The following KCNQ1 variants were observed in gnomAD, a reference collection of about 807,000 sequenced individuals.
KCNQ1 encodes the protein potassium voltage-gated channel subfamily KQT member 1.
A neutral mutation model predicts 72.4 loss-of-function variants in KCNQ1; 49 were observed. The ratio of observed to expected loss-of-function variants is 0.68; its 90% CI spans 0.54 to 0.86. KCNQ1 has a LOEUF of 0.86. Among genes scored for constraint, KCNQ1 ranks in the 40% least tolerant of loss-of-function variants. The pLI is 0.00. For missense variants in KCNQ1, 790 were observed against 945.1 expected (o/e 0.84, Z 2.15); for synonymous variants, 450 against 412.6 (o/e 1.09, Z -1.10).
chr11:2,848,801 C>T lies in KCNQ1; in HGVS notation c.*798C>T, dbSNP rs1384809970. ...AGCCAAACACACAGAAGGGGACTGCCACCTCCCCTTGCCAGCTGCTGAGCC... is the reference window on the plus strand; with the variant it reads ...AGCCAAACACACAGAAGGGGACTGCTACCTCCCCTTGCCAGCTGCTGAGCC... On this transcript the variant is annotated 3_prime_UTR_variant, in exon 16 of 16. Transcript: ENST00000155840. 2 of 454,046 alleles carry T rather than the reference C, an allele frequency of 4.4e-6. No individual in the cohort carries two copies. The highest frequency in any genetic ancestry group is 4.0e-5 in the African/African-American group (2 of 50,010). 28.1% of individuals were successfully genotyped at this position (454,046 alleles called of 1,614,324 possible).
At chr11:2,733,838 T>TCTCC (rs1845902445) in intron 11 of KCNQ1, among the ~76,000 whole-genome samples, 1 of 35,360 alleles carries the variant, frequency 2.8e-5, no homozygotes, top group Non-Finnish European at 5.7e-5. Context: ...TCTCTCTCTC[T>TCTCC]CTCTCTCTCT....
chr11:2,736,743 G>A (rs1271840410), intron 11 of KCNQ1, among the ~76,000 whole-genome samples: 1 of 152,244 alleles, frequency 6.6e-6, no homozygotes, highest in African/African-American at 2.4e-5. Flanking sequence ...CTGCGCATCT[G>A]CAGCTGGTAT....
rs577341950 is a variant in KCNQ1 at position 2,592,644 on chromosome 11, G to A, written c.1393+3790G>A. On this transcript the variant is annotated intron_variant, in intron 10 of 15. Coordinates refer to ENST00000155840, the MANE Select transcript of KCNQ1 (RefSeq NM_000218.3). This position sits in a 1 kb window ranked among gnomAD's most constrained non-coding sequence, Gnocchi z 5.2. ...AGGATGCATGGGGACCCAACCGCAT[G>A]CCACTTGGCTTGGCAGTGTCAAAGG... 6.6e-6 allele frequency among the ~76,000 whole-genome samples: 1 copy of A among 152,350 alleles called. No individual in the cohort carries two copies. Among genetic ancestry groups the A allele is most frequent in the African/African-American group, 2.4e-5 (1 of 41,590 alleles).
rs2133777117 is a variant in KCNQ1 at position 2,601,524 on chromosome 11, C to T, written c.1393+12670C>T. Among the ~76,000 whole-genome samples, 1 of 152,258 alleles carries T rather than the reference C, an allele frequency of 6.6e-6. No homozygotes were observed. Among genetic ancestry groups the T allele is most frequent in the South Asian group, 2.1e-4 (1 of 4,816 alleles). On this transcript the variant is annotated intron_variant, in intron 10 of 15. Coordinates refer to ENST00000155840, the MANE Select transcript of KCNQ1 (RefSeq NM_000218.3). The surrounding 1 kb of genome is among the most constrained non-coding windows in gnomAD (Gnocchi z 5.2). The stretch of plus-strand genomic sequence containing the variant: ...AGCAAGAGTCCAGATGCAGAGTGCT[C>T]CCGTCGCCACGGGGTTCCCATTATT...
Position 2,720,602 on chromosome 11 carries a change from C to T in KCNQ1, c.1515-48242C>T, listed in dbSNP as rs1291535608. On this transcript the variant is annotated intron_variant, in intron 11 of 15. Coordinates refer to ENST00000155840, the MANE Select transcript of KCNQ1 (RefSeq NM_000218.3). The surrounding 1 kb of genome is among the most constrained non-coding windows in gnomAD (Gnocchi z 5.1). ...TCCTGTGGGTCCTTCTCTGAGTGTC[C>T]TATGTTGGGGGTGTCAGCCTGGGTG... Among the ~76,000 whole-genome samples, 1 of 152,132 alleles carries T rather than the reference C, an allele frequency of 6.6e-6. No homozygotes were observed. Among genetic ancestry groups the T allele is most frequent in the Non-Finnish European group, 1.5e-5 (1 of 68,012 alleles).
In KCNQ1 at chr11:2,623,768, C is replaced by T; in HGVS notation, c.1393+34914C>T. ...TTTTTATGTGAATATAAGTCTTCAC[C>T]TCCTTTGAGTAAATACCAAGGATGT... On this transcript the variant is annotated intron_variant, in intron 10 of 15. Coordinates refer to ENST00000155840, the MANE Select transcript of KCNQ1 (RefSeq NM_000218.3). The surrounding 1 kb of genome is among the most constrained non-coding windows in gnomAD (Gnocchi z 5.2). 2.5e-6 allele frequency: 1 copy of T among 398,468 alleles called. No individual in the cohort carries two copies. Among genetic ancestry groups the T allele is most frequent in the Non-Finnish European group, 4.4e-6 (1 of 226,024 alleles). 24.7% of individuals were successfully genotyped at this position (398,468 alleles called of 1,614,324 possible).
At position 2,724,360 on chromosome 11, in the gene KCNQ1, G is replaced by T. The variant is rs939079306; in HGVS notation, c.1515-44484G>T. 6.6e-6 allele frequency among the ~76,000 whole-genome samples: 1 copy of T among 152,166 alleles called. No individual in the cohort carries two copies. The highest frequency in any genetic ancestry group is 1.5e-5 in the Non-Finnish European group (1 of 68,030). On this transcript the variant is annotated intron_variant, in intron 11 of 15. Coordinates refer to ENST00000155840, the MANE Select transcript of KCNQ1 (RefSeq NM_000218.3). This position sits in a 1 kb window ranked among gnomAD's most constrained non-coding sequence, Gnocchi z 6.8. ...GTGACAGCGTCCTCCCGCCCGGATTGGGTTTCTGCACAGTGGAATGGAGCT... is the reference window on the plus strand; with the variant it reads ...GTGACAGCGTCCTCCCGCCCGGATTTGGTTTCTGCACAGTGGAATGGAGCT...
At chr11:2,589,557 T>C (rs1429480749) in intron 10 of KCNQ1, among the ~76,000 whole-genome samples, 3 of 152,124 alleles carry the variant, frequency 2.0e-5, no homozygotes, top group Non-Finnish European at 4.4e-5. Context: ...GAGGCTGGGC[T>C]CGTGTGCTCC....
chr11:2,740,485 G>A (rs1416221247), intron 11 of KCNQ1, among the ~76,000 whole-genome samples: 3 of 152,212 alleles, frequency 2.0e-5, no homozygotes, highest in South Asian at 2.1e-4. Flanking sequence ...AGAGGACAGC[G>A]CACGCGGGCT....
Position 2,550,158 on chromosome 11 carries a change from G to C in KCNQ1, c.478-20470G>C, listed in dbSNP as rs1277734222. Among the ~76,000 whole-genome samples the C allele has an allele frequency of 6.6e-6, 1 of 152,224 alleles. No individual in the cohort carries two copies. Among genetic ancestry groups the C allele is most frequent in the African/African-American group, 2.4e-5 (1 of 41,464 alleles). ...ACCAGAGCTGCCGAGCCCCGGCCTG[G>C]ATGGACATCCCGCAGGCAGTGCACG... On this transcript the variant is annotated intron_variant, in intron 2 of 15. Transcript: ENST00000155840. The surrounding 1 kb of genome is among the most constrained non-coding windows in gnomAD (Gnocchi z 6.0).
At chr11:2,452,315 C>T (rs979424966) in intron 1 of KCNQ1, among the ~76,000 whole-genome samples, 30 of 152,158 alleles carry the variant, frequency 2.0e-4, no homozygotes, top group African/African-American at 7.2e-4. Context: ...GGACCCCCAC[C>T]CCTGTACTCC....
chr11:2,760,228 C>T (rs1846368426), intron 11 of KCNQ1, among the ~76,000 whole-genome samples: 1 of 152,218 alleles, frequency 6.6e-6, no homozygotes, highest in Admixed American at 6.5e-5. Flanking sequence ...CCTGAGACCA[C>T]TCAGCCTGGG....
In KCNQ1 at chr11:2,734,196, C is replaced by T. The variant is rs975762851; in HGVS notation, c.1515-34648C>T. Among the ~76,000 whole-genome samples the T allele has an allele frequency of 3.3e-5, 5 of 152,168 alleles. No homozygotes were observed. Among genetic ancestry groups the T allele is most frequent in the Non-Finnish European group, 5.9e-5 (4 of 68,030 alleles). ...GCATGGTGGACGTCCAAAGAATAAA[C>T]GAATGAACCATCCAAAGCACAGGCC... On this transcript the variant is annotated intron_variant, in intron 11 of 15. Coordinates refer to ENST00000155840, the MANE Select transcript of KCNQ1 (RefSeq NM_000218.3). This position sits in a 1 kb window ranked among gnomAD's most constrained non-coding sequence, Gnocchi z 7.0.
At chr11:2,521,620 T>C (rs1242227665) in intron 1 of KCNQ1, 3 of 449,332 alleles carry the variant, frequency 6.7e-6, no homozygotes. Flanking sequence ...AGGGCACCCC[T>C]TGAGCTGCCC....
Position 2,715,581 on chromosome 11 carries a change from C to A in KCNQ1, c.1515-53263C>A, listed in dbSNP as rs1335999202. ...TGCCCAAGCCTTCCTCTTCCACCAC[C>A]CCTGCTGGGGTCCCCTGGGACCCAT... On this transcript the variant is annotated intron_variant, in intron 11 of 15. Coordinates refer to ENST00000155840, the MANE Select transcript of KCNQ1 (RefSeq NM_000218.3). The surrounding 1 kb of genome is among the most constrained non-coding windows in gnomAD (Gnocchi z 4.9). Among the ~76,000 whole-genome samples, 2 of 152,158 alleles carry A rather than the reference C, an allele frequency of 1.3e-5. No homozygotes were observed. Among genetic ancestry groups the A allele is most frequent in the African/African-American group, 4.8e-5 (2 of 41,442 alleles).
In KCNQ1 at chr11:2,787,376, A is replaced by C. The variant is rs923606339; in HGVS notation, c.1794+9339A>C. ...CCTGGGCTTTGACACATAATCATCT[A>C]TTCCTGGTGAAACCAAAGCTCAAGT... On this transcript the variant is annotated intron_variant, in intron 15 of 15. Transcript: ENST00000155840. The surrounding 1 kb of genome is among the most constrained non-coding windows in gnomAD (Gnocchi z 6.3). Among the ~76,000 whole-genome samples the C allele has an allele frequency of 2.0e-5, 3 of 152,104 alleles. No homozygotes were observed. The highest frequency in any genetic ancestry group is 4.4e-5 in the Non-Finnish European group (3 of 68,022).
At position 2,756,479 on chromosome 11, in the gene KCNQ1, T is replaced by C. The variant is rs1289520716; in HGVS notation, c.1515-12365T>C. Among the ~76,000 whole-genome samples the C allele has an allele frequency of 8.2e-5, 12 of 146,200 alleles. No individual in the cohort carries two copies. The East Asian group carries it at 1.8e-3, about 22-fold the overall frequency. On this transcript the variant is annotated intron_variant, in intron 11 of 15. Transcript: ENST00000155840. ...AAAAACATGACTTTTGGGACACATA[T>C]AGTTTCAATAATATTATATTAAAAA...
At chr11:2,790,525 C>A (rs1346680140) in intron 15 of KCNQ1, among the ~76,000 whole-genome samples, 1 of 152,208 alleles carries the variant, frequency 6.6e-6, no homozygotes, top group East Asian at 1.9e-4. Context: ...CACACAGACC[C>A]CTTTCCCATC....
rs144556955 is a variant in KCNQ1, at chr11:2,625,954, G to A, written c.1394-36007G>A. 1.5e-3 allele frequency: 585 copies of A among 398,478 alleles called. 9 individuals carry two copies. In the East Asian group the frequency reaches 0.02, roughly 14 times the overall value. The allele number at this position is 398,478 out of a possible 1,614,324, so 24.7% of individuals were successfully genotyped here. Reference sequence around the variant, plus strand: ...AATCTGGACATTAATCCCTTATCAGGTATGTGATTTGCAAATTTTTCTCCC... The same window carrying A: ...AATCTGGACATTAATCCCTTATCAGATATGTGATTTGCAAATTTTTCTCCC... On this transcript the variant is annotated intron_variant, in intron 10 of 15. Coordinates refer to ENST00000155840, the MANE Select transcript of KCNQ1 (RefSeq NM_000218.3).
Sources: gnomAD v4.1 joint callset for allele counts (sites outside exome capture counted in the v4.1 genomes callset) on GRCh38, gnomAD v4.1.1 for gene constraint, Gnocchi (gnomAD v3.1) non-coding constraint, MANE v1.5 for transcripts, NCBI Gene and HGNC (gene_info 2026-07-23, HGNC 2026-07-21) for gene names.